Variants in MACROD2 observed in about 807,000 individuals in gnomAD.
The protein encoded by MACROD2 is ADP-ribose glycohydrolase MACROD2.
Under a neutral mutation model 70.4 loss-of-function variants are expected in MACROD2, and 36 were observed. The ratio of observed to expected loss-of-function variants is 0.51; its 90% CI spans 0.39 to 0.68. MACROD2 has a LOEUF of 0.68. Among genes scored for constraint, MACROD2 ranks in the 30% least tolerant of loss-of-function variants. The pLI, the probability that MACROD2 is intolerant of heterozygous loss-of-function variation, is 0.00. For synonymous variants in MACROD2, 172 were observed against 178.8 expected, an observed-to-expected ratio of 0.96 and a Z score of 0.30; for missense variants, 496 against 538.4, an observed-to-expected ratio of 0.92 and a Z score of 0.78.
intron 3 of MACROD2, among the ~76,000 whole-genome samples, chr20:14,456,520 A>G (rs1361475896): frequency 1.3e-5 from 2 of 151,808 alleles, no homozygotes; most frequent in African/African-American, 4.9e-5. Flanking sequence ...AAACAAATAT[A>G]ACAAAATTTA....
At chr20:15,082,368 A>G (rs185296686) in intron 5 of MACROD2, among the ~76,000 whole-genome samples, 1 of 152,166 alleles carries the variant, frequency 6.6e-6, no homozygotes, top group African/African-American at 2.4e-5. Context: ...GGTAGTTTGG[A>G]GGCTGTGTCA....
chr20:15,128,211 A>G (rs2076080317), intron 5 of MACROD2, among the ~76,000 whole-genome samples: 1 of 152,142 alleles, frequency 6.6e-6, no homozygotes. Context: ...GAAAGTGGGA[A>G]CAATGGAGAA....
At chr20:14,286,860 A>C (rs2082348924) in intron 3 of MACROD2, among the ~76,000 whole-genome samples, 1 of 152,148 alleles carries the variant, frequency 6.6e-6, no homozygotes, top group Non-Finnish European at 1.5e-5. Flanking sequence ...AGATGCTCAG[A>C]TTGGCTCAGC....
At chr20:14,004,650 AAC>A (rs1299043554) in intron 2 of MACROD2, among the ~76,000 whole-genome samples, 16 of 152,170 alleles carry the variant, frequency 1.1e-4, no homozygotes, top group Non-Finnish European at 2.9e-5. Context: ...TTAGTGTTTT[AAC>A]AGTTTAAAAA....
At chr20:15,283,386 A>T (rs1452825103) in intron 6 of MACROD2, among the ~76,000 whole-genome samples, 1 of 152,180 alleles carries the variant, frequency 6.6e-6, no homozygotes, top group East Asian at 1.9e-4. Context: ...AAAAATACAT[A>T]TCAAGGCCAG....
At chr20:15,889,700 T>C (rs2064864907) in intron 10 of MACROD2, among the ~76,000 whole-genome samples, 1 of 152,192 alleles carries the variant, frequency 6.6e-6, no homozygotes, top group Non-Finnish European at 1.5e-5. Flanking sequence ...TTCATTTCCA[T>C]GACTATGCAC....
chr20:15,764,167 C>T (rs138763020), intron 8 of MACROD2, among the ~76,000 whole-genome samples: 47 of 152,204 alleles, frequency 3.1e-4, no homozygotes, highest in Non-Finnish European at 5.3e-4. Flanking sequence ...GCCACTTTTG[C>T]CTTGTTAAAC....
chr20:14,031,775 CT>C (rs142651842), intron 2 of MACROD2, among the ~76,000 whole-genome samples: 17,023 of 152,110 alleles, frequency 0.11, 1,111 homozygotes, highest in Admixed American at 0.17. Context: ...TGAATAAATA[CT>C]GTTAAAAATT....
chr20:15,758,872 G>A (rs946268786), intron 8 of MACROD2, among the ~76,000 whole-genome samples: 1 of 151,902 alleles, frequency 6.6e-6, no homozygotes, highest in South Asian at 2.1e-4. Context: ...ACCCCAGGCC[G>A]GGCACGGTGG....
At chr20:14,462,294 G>A (rs2084382074) in intron 3 of MACROD2, among the ~76,000 whole-genome samples, 1 of 152,112 alleles carries the variant, frequency 6.6e-6, no homozygotes, top group Non-Finnish European at 1.5e-5. Flanking sequence ...GTGATGATGA[G>A]CATTTTTTCA....
intron 8 of MACROD2, among the ~76,000 whole-genome samples, chr20:15,523,095 A>C (rs1490430598): frequency 6.6e-6 from 1 of 152,176 alleles, no homozygotes; most frequent in Non-Finnish European, 1.5e-5. Flanking sequence ...TTGGGAGAGA[A>C]GCGCAACAAA....
intron 6 of MACROD2, among the ~76,000 whole-genome samples, chr20:15,375,189 A>G (rs1282903843): frequency 6.6e-6 from 1 of 152,238 alleles, no homozygotes; most frequent in Non-Finnish European, 1.5e-5. Context: ...TTCACAATTT[A>G]TCATTATTTT....
chr20:15,084,073 T>TTTTTGTTTTTTTTTTTTTTTG (rs754062468), intron 5 of MACROD2, among the ~76,000 whole-genome samples: 1 of 92,786 alleles, frequency 1.1e-5, no homozygotes, highest in Non-Finnish European at 2.0e-5. Flanking sequence ...TTTTTTTTTG[T>TTTTTGTTTTTTTTTTTTTTTG]TTTTTTTTTT....
intron 6 of MACROD2, among the ~76,000 whole-genome samples, chr20:15,354,652 G>T (rs1273251672): frequency 6.7e-6 from 1 of 149,816 alleles, no homozygotes; most frequent in African/African-American, 2.4e-5. Context: ...TTTTAAAAAA[G>T]AAAAAGTTTT....
chr20:15,821,305 T>C (rs2147102615), intron 8 of MACROD2, among the ~76,000 whole-genome samples: 1 of 152,100 alleles, frequency 6.6e-6, no homozygotes, highest in East Asian at 1.9e-4. Flanking sequence ...CCTCCTTTGT[T>C]TTATAAGTCC....
At chr20:14,047,999 A>G (rs1187846339) in intron 2 of MACROD2, among the ~76,000 whole-genome samples, 1 of 144,424 alleles carries the variant, frequency 6.9e-6, no homozygotes, top group African/African-American at 2.6e-5. Flanking sequence ...TCTGATTGGC[A>G]TTTGATTTTT....
chr20:15,378,559 A>AGAT (rs2045598486), intron 6 of MACROD2, among the ~76,000 whole-genome samples: 3 of 152,332 alleles, frequency 2.0e-5, no homozygotes, highest in Non-Finnish European at 4.4e-5. Flanking sequence ...AAAGTCTATC[A>AGAT]TATCATTGAT....
At chr20:15,684,945 C>T (rs1354490387) in intron 8 of MACROD2, among the ~76,000 whole-genome samples, 1 of 152,150 alleles carries the variant, frequency 6.6e-6, no homozygotes, top group Non-Finnish European at 1.5e-5. Flanking sequence ...TCCTTTGGGA[C>T]ACTCATTTAT....
At chr20:14,732,933 TTCAATTACCAAGGTTGTCATC>T (rs2071616174) in intron 5 of MACROD2, among the ~76,000 whole-genome samples, 1 of 152,136 alleles carries the variant, frequency 6.6e-6, no homozygotes, top group Admixed American at 6.6e-5. Flanking sequence ...AAAATTAATA[TTCAATTACCAAGGTTGTCATC>T]TCACCAAATA....
Sources: gnomAD v4.1 joint callset for allele counts (sites outside exome capture counted in the v4.1 genomes callset) on GRCh38, gnomAD v4.1.1 for gene constraint, MANE v1.5 for transcripts, NCBI Gene and HGNC (gene_info 2026-07-23, HGNC 2026-07-21) for gene names.